NUDT3: variants seen among roughly 807,000 people sequenced by gnomAD.
NUDT3 encodes nudix hydrolase 3, also known as diphosphoinositol polyphosphate phosphohydrolase 1.
Under a neutral mutation model 23.6 loss-of-function variants are expected in NUDT3, and 9 were observed. That is an observed-to-expected ratio of 0.38 (90% CI 0.23 to 0.66). NUDT3 has a LOEUF of 0.66. Ranked by LOEUF, NUDT3 falls within the 30% of genes least tolerant of loss-of-function variation. The pLI is 0.52. For missense variants in NUDT3, 172 were observed against 218.5 expected, an observed-to-expected ratio of 0.79 and a Z score of 1.34; for synonymous variants, 86 against 82.6, an observed-to-expected ratio of 1.04 and a Z score of -0.22.
intron 2 of NUDT3, among the ~76,000 whole-genome samples, chr6:34,324,161 C>A (rs1763987644): frequency 2.0e-5 from 3 of 152,176 alleles, no homozygotes; most frequent in South Asian, 4.1e-4. Flanking sequence ...TTGAGACCAG[C>A]CTGGCCAACA....
chr6:34,297,747 ATATATATATATAATT>A (rs1486275225), intron 2 of NUDT3, among the ~76,000 whole-genome samples: 3,150 of 110,996 alleles, frequency 0.028, 164 homozygotes, highest in African/African-American at 0.085. Context: ...ATATATATAT[ATATATATATATAATT>A]TTTTTTTTTT....
rs1581904594 is a variant in NUDT3, at chr6:34,385,024, G to A, written c.99+7240C>T. ...AGCCTGGTCAACAGAGCAAGACCCT[G>A]CCTCCAAAAAAAAAAAAAAAACTCA... On this transcript the variant is annotated intron_variant, in intron 1 of 4. Coordinates refer to ENST00000607016, the MANE Select transcript of NUDT3 (RefSeq NM_006703.4). Among the ~76,000 whole-genome samples the A allele has an allele frequency of 2.5e-5, 3 of 121,860 alleles. No homozygotes were observed. In the South Asian group the frequency reaches 7.9e-4, roughly 32 times the overall value. The allele number at this position is 121,860 out of a possible 152,430, so 79.9% of individuals were successfully genotyped here. A position where few individuals can be genotyped will look rare whatever the true frequency, so the allele number is the denominator to read the frequency against.
intron 4 of NUDT3, among the ~76,000 whole-genome samples, chr6:34,291,709 G>A (rs1190330169): frequency 6.6e-6 from 1 of 151,878 alleles, no homozygotes; most frequent in Non-Finnish European, 1.5e-5. Flanking sequence ...CACCATGTTG[G>A]CCAGGCTGGT....
intron 2 of NUDT3, among the ~76,000 whole-genome samples, chr6:34,313,213 G>C (rs1763802202): frequency 6.6e-6 from 1 of 151,974 alleles, no homozygotes; most frequent in African/African-American, 2.4e-5. Context: ...AGACATGGAG[G>C]AATCTTAAAT....
Position 34,341,975 on chromosome 6 carries a change from G to A in NUDT3, c.100-3C>T, listed in dbSNP as rs1212812355. 1.9e-6 allele frequency: 3 copies of A among 1,611,806 alleles called. No individual in the cohort carries two copies. The highest frequency in any genetic ancestry group is 1.7e-6 in the Non-Finnish European group (2 of 1,178,954). On this transcript the variant is annotated splice_polypyrimidine_tract_variant and splice_region_variant and intron_variant, in intron 1 of 4. Transcript: ENST00000607016. ...CGACTACTGCTCACGAGTAGCACCTGTTAAGTCACAAAGGTTGCATGGGGG... is the reference window on the plus strand; with the variant it reads ...CGACTACTGCTCACGAGTAGCACCTATTAAGTCACAAAGGTTGCATGGGGG...
intron 1 of NUDT3, among the ~76,000 whole-genome samples, chr6:34,349,104 T>G (rs972155771): frequency 1.3e-5 from 2 of 152,206 alleles, no homozygotes; most frequent in African/African-American, 4.8e-5. Flanking sequence ...TTTTGCCATG[T>G]TGTCTAGACT....
intron 2 of NUDT3, among the ~76,000 whole-genome samples, chr6:34,314,332 G>A (rs1206375903): frequency 3.3e-5 from 5 of 149,914 alleles, no homozygotes; most frequent in South Asian, 2.1e-4. Context: ...GTGGGTGGAC[G>A]ACCTGAGGTC....
chr6:34,343,790 G>A (rs1253731025), intron 1 of NUDT3, among the ~76,000 whole-genome samples: 1 of 151,976 alleles, frequency 6.6e-6, no homozygotes, highest in Admixed American at 6.6e-5. Context: ...GACATAATCA[G>A]GAATGTGAAA....
intron 2 of NUDT3, among the ~76,000 whole-genome samples, chr6:34,333,034 C>G (rs1402949180): frequency 2.0e-5 from 3 of 152,146 alleles, no homozygotes; most frequent in Admixed American, 2.0e-4. Context: ...TATCACATGG[C>G]TGGCTCACAC....
Position 34,341,870 on chromosome 6 carries a change from A to C in NUDT3, c.202T>G (p.Cys68Gly). 1 of 1,613,904 alleles carries C rather than the reference A, an allele frequency of 6.2e-7. No homozygotes were observed. Among genetic ancestry groups the C allele is most frequent in the South Asian group, 1.1e-5 (1 of 91,062 alleles). ...CTCTTCTCCATGCATACCTCCTCAC[A>C]GACTTCACGAACTGCTGCCACACTT... ...EPSVAAVREV[C>G]EEAGVKGTLG... The change falls in exon 2 of 5, where the codon TGT (cysteine) becomes GGT (glycine). Residue 68 changes from cysteine (C) to glycine (G), a missense_variant. Coordinates refer to ENST00000607016, the MANE Select transcript of NUDT3 (RefSeq NM_006703.4).
At chr6:34,317,082 TAAGAA>T (rs1348990264) in intron 2 of NUDT3, among the ~76,000 whole-genome samples, 1 of 152,048 alleles carries the variant, frequency 6.6e-6, no homozygotes, top group Non-Finnish European at 1.5e-5. Flanking sequence ...ATATTAGGTG[TAAGAA>T]AAGAACAAAA....
At chr6:34,371,947 A>G (rs1363797245) in intron 1 of NUDT3, among the ~76,000 whole-genome samples, 1 of 152,080 alleles carries the variant, frequency 6.6e-6, no homozygotes, top group African/African-American at 2.4e-5. Context: ...CCTGTGTCCA[A>G]GTGTTCTTAT....
intron 1 of NUDT3, among the ~76,000 whole-genome samples, chr6:34,363,711 C>T (rs571744928): frequency 1.3e-5 from 2 of 152,146 alleles, no homozygotes; most frequent in African/African-American, 4.8e-5. Flanking sequence ...GTTCCTCCTA[C>T]CCCCACAATC....
chr6:34,342,289 C>CAAAA (rs200954440), intron 1 of NUDT3, among the ~76,000 whole-genome samples: 115 of 66,404 alleles, frequency 1.7e-3, no homozygotes, highest in Non-Finnish European at 2.9e-3. Context: ...TAGAAGACTT[C>CAAAA]AAAAAAAAAA....
intron 1 of NUDT3, among the ~76,000 whole-genome samples, chr6:34,382,155 G>A (rs1048518458): frequency 6.6e-6 from 1 of 151,204 alleles, no homozygotes; most frequent in Non-Finnish European, 1.5e-5. Flanking sequence ...CCAACACTTC[G>A]GGAGGGCAAG....
intron 1 of NUDT3, among the ~76,000 whole-genome samples, chr6:34,361,788 A>T (rs1206137962): frequency 6.6e-6 from 1 of 152,248 alleles, no homozygotes; most frequent in Non-Finnish European, 1.5e-5. Flanking sequence ...GTAAGATTCC[A>T]ACTAGATAAC....
chr6:34,381,933 C>A (rs767227648), intron 1 of NUDT3, among the ~76,000 whole-genome samples: 5 of 151,614 alleles, frequency 3.3e-5, no homozygotes, highest in Admixed American at 2.6e-4. Flanking sequence ...ATTAGCCAGG[C>A]TTGGTGGTGG....
intron 2 of NUDT3, among the ~76,000 whole-genome samples, chr6:34,307,880 C>T (rs137856983): frequency 1.3e-5 from 2 of 151,406 alleles, no homozygotes; most frequent in African/African-American, 2.4e-5. Context: ...GCACTTTGGG[C>T]GGCTGAGGCA....
intron 2 of NUDT3, among the ~76,000 whole-genome samples, chr6:34,297,760 A>ATATATATATTTTT (rs1763535832): frequency 2.2e-4 from 12 of 53,636 alleles, no homozygotes; most frequent in Non-Finnish European, 3.1e-4. Context: ...TATATATATA[A>ATATATATATTTTT]TTTTTTTTTT....
Sources: gnomAD v4.1 joint callset for allele counts (sites outside exome capture counted in the v4.1 genomes callset) on GRCh38, gnomAD v4.1.1 for gene constraint, MANE v1.5 for transcripts, NCBI Gene and HGNC (gene_info 2026-07-23, HGNC 2026-07-21) for gene names.